MAP3K20: variants seen among roughly 807,000 people sequenced by gnomAD.
MAP3K20 encodes the protein mitogen-activated protein kinase kinase kinase 20, also known as HCCS-4.
Under a neutral mutation model 85.7 loss-of-function variants are expected in MAP3K20, and 40 were observed. The ratio of observed to expected loss-of-function variants is 0.47; its 90% CI spans 0.36 to 0.61. The LOEUF (loss-of-function observed/expected upper bound fraction) is 0.61, where lower values mean the gene tolerates loss of function less well. MAP3K20 is among the 20% of genes least tolerant of loss of function. MAP3K20 has a pLI of 0.00. For missense variants in MAP3K20, 817 were observed against 961.7 expected (o/e 0.85, Z 1.99); for synonymous variants, 325 against 327.7 (o/e 0.99, Z 0.09).
rs373250447 is a variant in MAP3K20 at position 173,203,537 on chromosome 2, TTA to T, written c.670-257_670-256del. Among the ~76,000 whole-genome samples the T allele has an allele frequency of 4.9e-4, 74 of 152,334 alleles. 1 individual carries two copies. In the South Asian group the frequency reaches 7.7e-3, roughly 16 times the overall value. On this transcript the variant is annotated intron_variant, in intron 8 of 19. Coordinates refer to ENST00000375213, the MANE Select transcript of MAP3K20 (RefSeq NM_016653.3). ...CCTACTGTAGTTCTGTTTAGATATTTTATGTTTTGTTGCATTAGTTGTACTGA... is the reference window on the plus strand; with the variant it reads ...CCTACTGTAGTTCTGTTTAGATATTTTGTTTTGTTGCATTAGTTGTACTGA...
At position 173,267,232 on chromosome 2, in the gene MAP3K20, TA is replaced by T. The variant is rs1327535214; in HGVS notation, c.*483del. 11 of 152,436 alleles carry T rather than the reference TA, an allele frequency of 7.2e-5. No individual in the cohort carries two copies. In the South Asian group the frequency reaches 1.7e-3, roughly 23 times the overall value. 9.4% of individuals were successfully genotyped at this position (152,436 alleles called of 1,614,324 possible). On this transcript the variant is annotated 3_prime_UTR_variant, in exon 20 of 20. Coordinates refer to ENST00000375213, the MANE Select transcript of MAP3K20 (RefSeq NM_016653.3). Reference sequence around the variant, plus strand: ...TTTTGTTCATCATAATTTTTGCATTTATTTTTTTAAATATTGCATTAAAATA... The same window carrying T: ...TTTTGTTCATCATAATTTTTGCATTTTTTTTTTAAATATTGCATTAAAATA...
chr2:173,134,728 CTTTTA>C (rs1688751319), intron 2 of MAP3K20, among the ~76,000 whole-genome samples: 1 of 151,862 alleles, frequency 6.6e-6, no homozygotes, highest in Non-Finnish European at 1.5e-5. Flanking sequence ...GCTCTTTTTA[CTTTTA>C]TTTTATTTAG....
intron 9 of MAP3K20, among the ~76,000 whole-genome samples, chr2:173,204,814 A>G (rs891264997): frequency 6.6e-6 from 1 of 152,178 alleles, no homozygotes; most frequent in African/African-American, 2.4e-5. Flanking sequence ...GTTAAAAAAT[A>G]AAAAATAGGC....
In MAP3K20 at chr2:173,261,052, T is replaced by C. The variant is rs1685280078; in HGVS notation, c.1477-11T>C. The C allele has an allele frequency of 6.2e-7, 1 of 1,612,864 alleles. No homozygotes were observed. The highest frequency in any genetic ancestry group is 1.3e-5 in the African/African-American group (1 of 75,020). ...TTATGGTACTACACCATCCTAACTT[T>C]TGTTTTTCAGCCACCATTTGTAATG... is the stretch of plus-strand genomic sequence containing the variant. On this transcript the variant is annotated splice_polypyrimidine_tract_variant and intron_variant, in intron 17 of 19. Transcript: ENST00000375213.
chr2:173,241,662 G>A lies in MAP3K20; in HGVS notation c.1359+2166G>A, dbSNP rs188384203. Among the ~76,000 whole-genome samples the A allele has an allele frequency of 4.6e-5, 7 of 152,228 alleles. No individual in the cohort carries two copies. In the East Asian group the frequency reaches 5.8e-4, roughly 13 times the overall value. ...TACCCCCAAAATACATACACCTAGT[G>A]TATACCCAAAAACATTAAATTTTTT... On this transcript the variant is annotated intron_variant, in intron 16 of 19. Transcript: ENST00000375213.
At chr2:173,080,387 G>A (rs760320457) in intron 1 of MAP3K20, among the ~76,000 whole-genome samples, 3 of 152,170 alleles carry the variant, frequency 2.0e-5, no homozygotes, top group Admixed American at 6.5e-5. Context: ...CACAGCCTGG[G>A]TAATTTACAA....
At chr2:173,185,296 A>G (rs557652975) in intron 4 of MAP3K20, among the ~76,000 whole-genome samples, 6 of 152,320 alleles carry the variant, frequency 3.9e-5, no homozygotes, top group African/African-American at 1.2e-4. Context: ...ATGGTGTCCA[A>G]AACTGCAGAT....
At chr2:173,174,770 T>G (rs957730249) in intron 3 of MAP3K20, among the ~76,000 whole-genome samples, 5 of 152,172 alleles carry the variant, frequency 3.3e-5, no homozygotes, top group African/African-American at 9.7e-5. Context: ...TCATCATCAT[T>G]AGAATGACTT....
intron 2 of MAP3K20, among the ~76,000 whole-genome samples, chr2:173,157,456 C>G (rs948824980): frequency 6.6e-6 from 1 of 151,906 alleles, no homozygotes; most frequent in Non-Finnish European, 1.5e-5. Flanking sequence ...TCCAAGTGTT[C>G]AAGACACTGT....
chr2:173,090,077 G>T (rs1266069583), intron 1 of MAP3K20, among the ~76,000 whole-genome samples: 1 of 152,106 alleles, frequency 6.6e-6, no homozygotes, highest in East Asian at 1.9e-4. Flanking sequence ...GTACACATGG[G>T]ATAAAATAGT....
Position 173,239,507 on chromosome 2 carries a change from T to C in MAP3K20, c.1359+11T>C. 6.2e-7 allele frequency: 1 copy of C among 1,607,962 alleles called. No individual in the cohort carries two copies. On this transcript the variant is annotated intron_variant, in intron 16 of 19. Coordinates refer to ENST00000375213, the MANE Select transcript of MAP3K20 (RefSeq NM_016653.3). Reference sequence around the variant, plus strand: ...GGAACTGGCCCACAGGTAAATCACATTTTAAATCCTTTGGATAAATCTCAA... The same window carrying C: ...GGAACTGGCCCACAGGTAAATCACACTTTAAATCCTTTGGATAAATCTCAA...
intron 16 of MAP3K20, among the ~76,000 whole-genome samples, chr2:173,241,787 G>C (rs1440620181): frequency 6.6e-6 from 1 of 152,096 alleles, no homozygotes; most frequent in Non-Finnish European, 1.5e-5. Context: ...TACCTCCCTT[G>C]TTTCGGCCAC....
chr2:173,243,884 C>T (rs898047455), intron 16 of MAP3K20, among the ~76,000 whole-genome samples: 14 of 152,310 alleles, frequency 9.2e-5, no homozygotes, highest in African/African-American at 3.4e-4. Flanking sequence ...CCTCGGCCTC[C>T]CAAAGTGCTG....
intron 14 of MAP3K20, among the ~76,000 whole-genome samples, chr2:173,237,661 A>G (rs1684685701): frequency 6.6e-6 from 1 of 152,130 alleles, no homozygotes; most frequent in South Asian, 2.1e-4. Flanking sequence ...GGGATGTTGG[A>G]CACATATCCA....
At chr2:173,181,025 A>T (rs1690309409) in intron 3 of MAP3K20, among the ~76,000 whole-genome samples, 2 of 152,192 alleles carry the variant, frequency 1.3e-5, no homozygotes, top group African/African-American at 4.8e-5. Flanking sequence ...ACTAAAAAAA[A>T]TTATTAGAAC....
intron 4 of MAP3K20, among the ~76,000 whole-genome samples, chr2:173,187,222 G>A (rs1332622927): frequency 7.9e-5 from 12 of 152,170 alleles, no homozygotes; most frequent in Admixed American, 6.5e-4. Context: ...AAGGTAGTTG[G>A]TAGCGGAATA....
chr2:173,252,340 C>T (rs1685058842), intron 16 of MAP3K20, among the ~76,000 whole-genome samples: 1 of 152,088 alleles, frequency 6.6e-6, no homozygotes, highest in South Asian at 2.1e-4. Flanking sequence ...TTTAGTTGGC[C>T]AGTAGTCTTA....
intron 2 of MAP3K20, among the ~76,000 whole-genome samples, chr2:173,099,218 A>C (rs572295840): frequency 6.6e-6 from 1 of 151,922 alleles, no homozygotes; most frequent in Non-Finnish European, 1.5e-5. Flanking sequence ...AATACTTTCA[A>C]ATTCCAGCCC....
rs1684211632 is a variant in MAP3K20 at position 173,220,461 on chromosome 2, ATACT to A, written c.987+3215_987+3218del. Among the ~76,000 whole-genome samples the A allele has an allele frequency of 3.4e-5, 5 of 148,278 alleles. No individual in the cohort carries two copies. The South Asian group carries it at 1.1e-3, about 31-fold the overall frequency. On this transcript the variant is annotated intron_variant, in intron 11 of 19. Coordinates refer to ENST00000375213, the MANE Select transcript of MAP3K20 (RefSeq NM_016653.3). ...TTCTTCCCAGTTTTCATGTGTTTAC[ATACT>A]TACGTCTAACTTAAATGTGAGACAG...
Sources: gnomAD v4.1 joint callset for allele counts (sites outside exome capture counted in the v4.1 genomes callset) on GRCh38, gnomAD v4.1.1 for gene constraint, MANE v1.5 for transcripts, NCBI Gene and HGNC (gene_info 2026-07-23, HGNC 2026-07-21) for gene names.